The following MAPRE2 variants were observed in gnomAD, a reference collection of about 807,000 sequenced individuals.
The protein encoded by MAPRE2 is microtubule-associated protein RP/EB family member 2.
Under a neutral mutation model 43.2 loss-of-function variants are expected in MAPRE2, and 13 were observed. That is an observed-to-expected ratio of 0.30 (90% CI 0.20 to 0.48). The LOEUF is 0.48. MAPRE2 is among the 20% of genes least tolerant of loss of function. MAPRE2 has a pLI of 0.99. For missense variants in MAPRE2, 161 were observed against 400.2 expected (o/e 0.40, Z 5.10); for synonymous variants, 135 against 148.8 (o/e 0.91, Z 0.68).
intron 2 of MAPRE2, among the ~76,000 whole-genome samples, chr18:35,089,342 A>T (rs563735161): frequency 6.6e-6 from 1 of 152,348 alleles, no homozygotes; most frequent in Admixed American, 6.5e-5. Flanking sequence ...TTTTGCTTCA[A>T]ATGATACCAT....
chr18:35,041,452 G>T lies in MAPRE2; in HGVS notation c.-88G>T. Reference sequence around the variant, plus strand: ...CGAGCAGGCGGCAGGCACGGTCCGTGCGGAGCAGGCGAGCGAGCGGGAAGA... The same window carrying T: ...CGAGCAGGCGGCAGGCACGGTCCGTTCGGAGCAGGCGAGCGAGCGGGAAGA... On this transcript the variant is annotated 5_prime_UTR_variant, in exon 1 of 7. Coordinates refer to ENST00000300249, the MANE Select transcript of MAPRE2 (RefSeq NM_014268.4). 3 of 1,606,500 alleles carry T rather than the reference G, an allele frequency of 1.9e-6. No homozygotes were observed. Among genetic ancestry groups the T allele is most frequent in the Admixed American group, 1.7e-5 (1 of 59,694 alleles).
At chr18:34,989,316 C>A (rs571731392) in intron 1 of MAPRE2, among the ~76,000 whole-genome samples, 1 of 152,126 alleles carries the variant, frequency 6.6e-6, no homozygotes, top group African/African-American at 2.4e-5. Flanking sequence ...ATGTCTCTAG[C>A]TTTGGGGTCT....
intron 1 of MAPRE2, among the ~76,000 whole-genome samples, chr18:35,056,448 TTCTTAC>T (rs1906238766): frequency 6.6e-6 from 1 of 152,200 alleles, no homozygotes; most frequent in South Asian, 2.1e-4. Context: ...AAACTTATAA[TTCTTAC>T]TCAATTGCTG....
intron 1 of MAPRE2, among the ~76,000 whole-genome samples, chr18:35,047,899 C>T (rs1468736759): frequency 6.6e-6 from 1 of 152,062 alleles, no homozygotes; most frequent in African/African-American, 2.4e-5. Context: ...TCCTCTAATG[C>T]TTATCTAGTT....
At chr18:35,112,512 T>C (rs9951234) in intron 4 of MAPRE2, among the ~76,000 whole-genome samples, 3,281 of 152,272 alleles carry the variant, frequency 0.022, 109 homozygotes, top group African/African-American at 0.074. Flanking sequence ...CATATTAGCA[T>C]GGCATCCTTT....
intron 2 of MAPRE2, among the ~76,000 whole-genome samples, chr18:35,087,922 G>A (rs1053319720): frequency 6.6e-6 from 1 of 152,138 alleles, no homozygotes; most frequent in Non-Finnish European, 1.5e-5. Context: ...TTCATGCTGC[G>A]TCATTCCATG....
chr18:35,013,886 T>C (rs191062025), intron 2 of MAPRE2, among the ~76,000 whole-genome samples: 1 of 152,296 alleles, frequency 6.6e-6, no homozygotes, highest in East Asian at 1.9e-4. Flanking sequence ...TGTGTGTATA[T>C]ACTACATTTT....
intron 1 of MAPRE2, among the ~76,000 whole-genome samples, chr18:34,990,366 T>A (rs938254791): frequency 2.0e-5 from 3 of 152,082 alleles, no homozygotes; most frequent in African/African-American, 7.2e-5. Flanking sequence ...AGTTGGCAGG[T>A]TTTGGTAAGG....
At chr18:35,084,405 A>G (rs1907777574) in intron 2 of MAPRE2, among the ~76,000 whole-genome samples, 1 of 152,236 alleles carries the variant, frequency 6.6e-6, no homozygotes, top group South Asian at 2.1e-4. Context: ...GATTCTTAAA[A>G]AGGTTTTAAG....
At chr18:35,100,201 G>A (rs901389366) in intron 3 of MAPRE2, among the ~76,000 whole-genome samples, 1 of 152,160 alleles carries the variant, frequency 6.6e-6, no homozygotes, top group East Asian at 1.9e-4. Context: ...ACCCAAAGAT[G>A]TAAAAGGTAA....
chr18:35,126,547 A>T (rs1408545395), intron 4 of MAPRE2, among the ~76,000 whole-genome samples: 1 of 152,260 alleles, frequency 6.6e-6, no homozygotes. Flanking sequence ...TTTCTGCTGA[A>T]GTATTAATTG....
At chr18:35,130,034 C>G (rs1910077197) in intron 5 of MAPRE2, among the ~76,000 whole-genome samples, 6 of 152,108 alleles carry the variant, frequency 3.9e-5, no homozygotes, top group Admixed American at 3.9e-4. Context: ...CTGATTTGCA[C>G]TAAAGGGTTG....
At chr18:35,037,051 C>T (rs2097050927), upstream of MAPRE2, among the ~76,000 whole-genome samples, 1 of 152,212 alleles carries the variant, frequency 6.6e-6, no homozygotes, top group Non-Finnish European at 1.5e-5. Context: ...ATGGTCCCAT[C>T]CCACCCTATG....
intron 6 of MAPRE2, 118 bp downstream of exon 6, chr18:35,132,308 C>A: frequency 2.3e-6 from 2 of 853,866 alleles, no homozygotes; most frequent in East Asian, 2.6e-5. Context: ...ACTGCTCAGC[C>A]AAGTGCACCT....
At chr18:35,124,873 A>G (rs750421495) in intron 4 of MAPRE2, among the ~76,000 whole-genome samples, 1 of 152,058 alleles carries the variant, frequency 6.6e-6, no homozygotes, top group Non-Finnish European at 1.5e-5. Context: ...CCTTTGGGTT[A>G]AAGAACTTGG....
At chr18:35,038,274 G>A (rs913925608), upstream of MAPRE2, among the ~76,000 whole-genome samples, 5 of 152,136 alleles carry the variant, frequency 3.3e-5, no homozygotes, top group African/African-American at 7.2e-5. Context: ...CTTACAGGAC[G>A]GACAGAAACT....
At chr18:35,088,346 A>G (rs1907975773) in intron 2 of MAPRE2, among the ~76,000 whole-genome samples, 1 of 152,216 alleles carries the variant, frequency 6.6e-6, no homozygotes, top group Non-Finnish European at 1.5e-5. Flanking sequence ...TCAGGAGCAA[A>G]TCTGAAGTGT....
At chr18:34,980,258 G>C (rs1252724867) in intron 1 of MAPRE2, among the ~76,000 whole-genome samples, 1 of 151,660 alleles carries the variant, frequency 6.6e-6, no homozygotes, top group Non-Finnish European at 1.5e-5. Flanking sequence ...CTCCTGACCT[G>C]AGGTGATCCA....
At chr18:35,029,809 G>A (rs1319111703) in intron 2 of MAPRE2, among the ~76,000 whole-genome samples, 1 of 152,130 alleles carries the variant, frequency 6.6e-6, no homozygotes, top group African/African-American at 2.4e-5. Flanking sequence ...AATAGAGAAA[G>A]GAAATAGAGG....
Sources: allele counts gnomAD v4.1 joint callset (sites outside exome capture counted in the v4.1 genomes callset), GRCh38; gene constraint gnomAD v4.1.1; transcripts MANE v1.5; gene names NCBI Gene and HGNC (gene_info 2026-07-23, HGNC 2026-07-21).